AGBL4: variants seen among roughly 807,000 people sequenced by gnomAD.
AGBL4 encodes the protein AGBL carboxypeptidase 4, also known as cytosolic carboxypeptidase 6.
Under a neutral mutation model 66.4 loss-of-function variants are expected in AGBL4, and 58 were observed. The observed-to-expected ratio is 0.87, with a 90% CI of 0.71 to 1.09. The LOEUF (loss-of-function observed/expected upper bound fraction) is 1.09, where lower values mean the gene tolerates loss of function less well. Ranked by LOEUF, AGBL4 falls within the 50% of genes least tolerant of loss-of-function variation. The pLI, the probability that AGBL4 is intolerant of heterozygous loss-of-function variation, is 0.00. For synonymous variants in AGBL4, 234 were observed against 222.9 expected (o/e 1.05, Z -0.44); for missense variants, 579 against 631.0 (o/e 0.92, Z 0.88).
At chr1:48,997,771 C>G (rs1177109635) in intron 5 of AGBL4, among the ~76,000 whole-genome samples, 1 of 152,172 alleles carries the variant, frequency 6.6e-6, no homozygotes, top group Non-Finnish European at 1.5e-5. Flanking sequence ...CAACCAGACA[C>G]TATATATAAG....
chr1:49,788,881 G>A (rs1020672826), intron 2 of AGBL4, among the ~76,000 whole-genome samples: 4 of 152,200 alleles, frequency 2.6e-5, no homozygotes, highest in African/African-American at 9.6e-5. Flanking sequence ...ATAATATGTT[G>A]AATAAGAGTG....
At chr1:48,942,858 C>T (rs1656125170) in intron 5 of AGBL4, among the ~76,000 whole-genome samples, 1 of 152,144 alleles carries the variant, frequency 6.6e-6, no homozygotes, top group African/African-American at 2.4e-5. Flanking sequence ...ACTAACTTGC[C>T]AACCTTTTTA....
At chr1:49,967,324 T>C (rs1052440919) in intron 1 of AGBL4, among the ~76,000 whole-genome samples, 3 of 152,172 alleles carry the variant, frequency 2.0e-5, no homozygotes, top group African/African-American at 7.2e-5. Flanking sequence ...CATGGAATAC[T>C]ATGCAGCCAT....
chr1:49,880,415 C>T (rs1385879270), intron 1 of AGBL4, among the ~76,000 whole-genome samples: 4 of 151,720 alleles, frequency 2.6e-5, no homozygotes, highest in African/African-American at 2.4e-5. Context: ...TTGGAATACC[C>T]TGCTGTGTGA....
chr1:49,177,185 C>T (rs975674771), intron 4 of AGBL4, among the ~76,000 whole-genome samples: 1 of 152,094 alleles, frequency 6.6e-6, no homozygotes, highest in Non-Finnish European at 1.5e-5. Context: ...CATCCTTAGT[C>T]GAGTCATTTT....
chr1:49,697,555 G>A (rs1647011052), intron 2 of AGBL4, 118 bp from the exon 3 acceptor site: 2 of 836,566 alleles, frequency 2.4e-6, no homozygotes, highest in Admixed American at 2.9e-5. Flanking sequence ...GTACTTGAAG[G>A]TTCAGTGTTC....
chr1:48,908,327 C>G (rs1013883511), intron 5 of AGBL4, among the ~76,000 whole-genome samples: 1 of 151,700 alleles, frequency 6.6e-6, no homozygotes, highest in African/African-American at 2.4e-5. Flanking sequence ...TCAAAAAATT[C>G]GGGGAAAAAA....
chr1:48,682,410 CTTTT>C (rs529391743), intron 6 of AGBL4, among the ~76,000 whole-genome samples: 1 of 140,636 alleles, frequency 7.1e-6, no homozygotes, highest in Non-Finnish European at 1.6e-5. Context: ...CAGCACATCT[CTTTT>C]TTTTTTTTTT....
chr1:49,109,609 G>A (rs1240627283), intron 4 of AGBL4, among the ~76,000 whole-genome samples: 1 of 152,072 alleles, frequency 6.6e-6, no homozygotes, highest in African/African-American at 2.4e-5. Context: ...CACATAACAA[G>A]CATTATTAGA....
At chr1:49,846,201 T>C in intron 2 of AGBL4, 1 of 1,461,654 alleles carries the variant, frequency 6.8e-7, no homozygotes, top group Non-Finnish European at 9.6e-7. Flanking sequence ...AGCTCCTCAC[T>C]CAGCCAGCAC....
intron 4 of AGBL4, among the ~76,000 whole-genome samples, chr1:49,220,359 G>A (rs1450045347): frequency 1.2e-4 from 19 of 152,064 alleles, no homozygotes; most frequent in Admixed American, 1.2e-3. Flanking sequence ...ATGAAGACTT[G>A]CTTTGAATCC....
chr1:48,944,622 G>T (rs1188817640), intron 5 of AGBL4, among the ~76,000 whole-genome samples: 1 of 152,074 alleles, frequency 6.6e-6, no homozygotes, highest in African/African-American at 2.4e-5. Flanking sequence ...CCCACGCCAG[G>T]CCTCATTCTG....
chr1:49,325,053 C>T (rs1246717871), intron 3 of AGBL4, among the ~76,000 whole-genome samples: 3 of 152,162 alleles, frequency 2.0e-5, no homozygotes, highest in Non-Finnish European at 4.4e-5. Flanking sequence ...GACGGAGTCT[C>T]GCTCTGTCAC....
At chr1:49,781,793 T>C (rs571615189) in intron 2 of AGBL4, among the ~76,000 whole-genome samples, 2 of 152,120 alleles carry the variant, frequency 1.3e-5, no homozygotes, top group South Asian at 2.1e-4. Flanking sequence ...TGAAATATAC[T>C]TTCTAGACAC....
chr1:49,807,822 AG>A (rs1645009174), intron 2 of AGBL4, among the ~76,000 whole-genome samples: 1 of 152,210 alleles, frequency 6.6e-6, no homozygotes, highest in South Asian at 2.1e-4. Context: ...TTATGTCATG[AG>A]GGCAGAGCCC....
intron 2 of AGBL4, among the ~76,000 whole-genome samples, chr1:49,761,019 G>A (rs1300597226): frequency 1.3e-5 from 2 of 152,038 alleles, no homozygotes; most frequent in Non-Finnish European, 2.9e-5. Flanking sequence ...AGGGCCTGTT[G>A]GGGGGTGGGG....
intron 4 of AGBL4, among the ~76,000 whole-genome samples, chr1:49,237,512 TTATATATATATATATATA>T (rs71056690): frequency 3.5e-3 from 8 of 2,292 alleles, no homozygotes; most frequent in Admixed American, 5.2e-3. Flanking sequence ...CAATATTACA[TTATATATATATATATATA>T]TATATATATA....
In AGBL4 at chr1:49,944,086, T is replaced by A. The variant is rs138761415; in HGVS notation, c.34+79677A>T. Among the ~76,000 whole-genome samples the A allele has an allele frequency of 8.7e-3, 1,327 of 152,052 alleles. 14 individuals carry two copies. Among genetic ancestry groups the A allele is most frequent in the Non-Finnish European group, 0.014 (981 of 67,958 alleles). On this transcript the variant is annotated intron_variant, in intron 1 of 13. Coordinates refer to ENST00000371839, the MANE Select transcript of AGBL4 (RefSeq NM_032785.4). Reference sequence around the variant, plus strand: ...GTCTGAGCTCAGACACAGTTAGCACTGCCCCCACCTGATGGTCCTTTCCTA... The same window carrying A: ...GTCTGAGCTCAGACACAGTTAGCACAGCCCCCACCTGATGGTCCTTTCCTA...
At chr1:48,605,317 T>C (rs1645138316) in intron 9 of AGBL4, among the ~76,000 whole-genome samples, 1 of 152,138 alleles carries the variant, frequency 6.6e-6, no homozygotes, top group Non-Finnish European at 1.5e-5. Flanking sequence ...CCAACCTCAT[T>C]TCCTACTCTC....
Sources: gnomAD v4.1 joint callset for allele counts (sites outside exome capture counted in the v4.1 genomes callset) on GRCh38, gnomAD v4.1.1 for gene constraint, MANE v1.5 for transcripts, NCBI Gene and HGNC (gene_info 2026-07-23, HGNC 2026-07-21) for gene names.